The following DGAT2L6 variants were observed in gnomAD, a reference collection of about 807,000 sequenced individuals.
DGAT2L6 encodes the protein diacylglycerol O-acyltransferase 2 like 6, also known as diacylglycerol O-acyltransferase 2-like protein 6.
In DGAT2L6, 22 loss-of-function variants were observed where a neutral mutation model predicts 25.5. That is an observed-to-expected ratio of 0.86 (90% confidence interval 0.62 to 1.23). DGAT2L6 has a LOEUF of 1.23. Among genes scored for constraint, DGAT2L6 ranks in the 50% most tolerant of loss-of-function variants. The pLI is 0.00. For missense variants in DGAT2L6, 287 were observed against 253.2 expected, an observed-to-expected ratio of 1.13 and a Z score of -0.91; for synonymous variants, 100 against 94.7, an observed-to-expected ratio of 1.06 and a Z score of -0.32.
chrX:70,197,625 G>A (rs1395002410), intron 1 of DGAT2L6, among the ~76,000 whole-genome samples: 1 of 112,281 alleles, frequency 8.9e-6, no homozygotes, highest in Non-Finnish European at 1.9e-5. Context: ...GTTTTCAATT[G>A]GTCTACAGAT....
intron 1 of DGAT2L6, among the ~76,000 whole-genome samples, chrX:70,187,933 C>T (rs986360125): frequency 1.8e-5 from 2 of 112,204 alleles, no homozygotes; most frequent in Admixed American, 1.9e-4. Context: ...CACCTGCTAG[C>T]TGTCTAATCT....
Position 70,199,410 on chromosome X carries a change from T to C in DGAT2L6, c.196+29T>C, listed in dbSNP as rs771958871. The C allele has an allele frequency of 3.7e-6, 4 of 1,074,857 alleles. No homozygotes were observed. The East Asian group carries it at 9.6e-5, about 26-fold the overall frequency. 88.6% of individuals were successfully genotyped at this position (1,074,857 alleles called of 1,213,427 possible). On this transcript the variant is annotated intron_variant, in intron 2 of 6. Transcript: ENST00000333026. Reference sequence around the variant, plus strand: ...AGAGACAGGGGCACAATGGTGGTCCTGTTTGGGCCAAGAATGGAAGGACAG... The same window carrying C: ...AGAGACAGGGGCACAATGGTGGTCCCGTTTGGGCCAAGAATGGAAGGACAG...
chrX:70,189,570 T>C lies in DGAT2L6; in HGVS notation c.86-9701T>C, dbSNP rs1363528308. On this transcript the variant is annotated intron_variant, in intron 1 of 6. Coordinates refer to ENST00000333026, the MANE Select transcript of DGAT2L6 (RefSeq NM_198512.3). The stretch of plus-strand genomic sequence containing the variant: ...TCCCCAGATTGATCTATAAGTATAA[T>C]GCAATTCAAGTAAAAATCACAGTCA... 2.7e-5 allele frequency among the ~76,000 whole-genome samples: 3 copies of C among 111,993 alleles called. No individual in the cohort carries two copies. In the Admixed American group the frequency reaches 2.8e-4, roughly 11 times the overall value.
intron 1 of DGAT2L6, among the ~76,000 whole-genome samples, chrX:70,198,534 G>GTTTGT (rs760710813): frequency 9.1e-6 from 1 of 109,771 alleles, no homozygotes; most frequent in Non-Finnish European, 1.9e-5. Context: ...TGTTGTTGTT[G>GTTTGT]TTTGTTTTGT....
At chrX:70,183,522 G>A (rs1254744263) in intron 1 of DGAT2L6, among the ~76,000 whole-genome samples, 1 of 111,926 alleles carries the variant, frequency 8.9e-6, no homozygotes, top group Non-Finnish European at 1.9e-5. Context: ...TATATCTTTG[G>A]TGCCCTCTAC....
intron 5 of DGAT2L6, among the ~76,000 whole-genome samples, chrX:70,203,655 C>T (rs539613763): frequency 4.5e-5 from 5 of 110,851 alleles, no homozygotes; most frequent in African/African-American, 1.3e-4. Context: ...CTATAATACA[C>T]GGTTGGGGCA....
Position 70,205,044 on chromosome X carries a change from C to G in DGAT2L6, c.952C>G (p.Leu318Val). 8.3e-7 allele frequency: 1 copy of G among 1,204,662 alleles called. No individual in the cohort carries two copies. Among genetic ancestry groups the G allele is most frequent in the Non-Finnish European group, 1.1e-6 (1 of 893,232 alleles). The stretch of plus-strand genomic sequence containing the variant: ...ACTCTACATCAGTGCCCTGCGCAAG[C>G]TCTTTGACCAACACAAAGTTGAATA... ...HALYISALRK[L>V]FDQHKVEYGL... The change falls in exon 7 of 7, where the codon CTC (leucine) becomes GTC (valine). Residue 318 changes from leucine to valine, a missense_variant. Coordinates refer to ENST00000333026, the MANE Select transcript of DGAT2L6 (RefSeq NM_198512.3).
rs756557853 is a variant in DGAT2L6 at position 70,204,298 on chromosome X, T to C, written c.648-7T>C. Reference sequence around the variant, plus strand: ...GAGAGCTCACACTCCTGCCCCTCTCTTTGCAGGGCATACCTTGTCCCTTCA... The same window carrying C: ...GAGAGCTCACACTCCTGCCCCTCTCCTTGCAGGGCATACCTTGTCCCTTCA... On this transcript the variant is annotated splice_polypyrimidine_tract_variant and splice_region_variant and intron_variant, in intron 5 of 6. Transcript: ENST00000333026. The C allele has an allele frequency of 3.3e-5, 39 of 1,193,297 alleles. No homozygotes were observed. The Admixed American group carries it at 8.6e-4, about 26-fold the overall frequency.
At chrX:70,182,921 G>C (rs1295951634) in intron 1 of DGAT2L6, among the ~76,000 whole-genome samples, 1 of 112,066 alleles carries the variant, frequency 8.9e-6, no homozygotes, top group Non-Finnish European at 1.9e-5. Context: ...CTCCCAAAGT[G>C]CTGGGATTAC....
chrX:70,204,430 G>T lies in DGAT2L6; in HGVS notation c.773G>T (p.Gly258Val). 8.3e-7 allele frequency: 1 copy of T among 1,211,550 alleles called. No homozygotes were observed. The change falls in exon 6 of 7, where the codon GGA becomes GTA. Residue 258 changes from glycine (G) to valine (V), a missense_variant. Transcript: ENST00000333026. ...TFQDTFKKILGLNFCTFHGRG... is the reference protein window; with the variant it reads ...TFQDTFKKILVLNFCTFHGRG... ...CAGGACACATTCAAAAAAATCCTGG[G>T]ACTAAATTTCTGTACCTTCCATGGC...
chrX:70,199,442 G>C, intron 2 of DGAT2L6, 61 bp downstream of exon 2: 1 of 873,687 alleles, frequency 1.1e-6, no homozygotes, highest in Non-Finnish European at 1.6e-6. Context: ...ACAGGGAGAG[G>C]GAGGTGGAGG....
chrX:70,180,785 G>C (rs2085341033), intron 1 of DGAT2L6, among the ~76,000 whole-genome samples: 1 of 111,759 alleles, frequency 8.9e-6, no homozygotes, highest in African/African-American at 3.2e-5. Context: ...CATATAATTG[G>C]AATTATTATT....
At chrX:70,194,727 C>T (rs2085385624) in intron 1 of DGAT2L6, among the ~76,000 whole-genome samples, 1 of 111,988 alleles carries the variant, frequency 8.9e-6, no homozygotes, top group African/African-American at 3.2e-5. Flanking sequence ...ATGACATACA[C>T]AAACATTAAC....
At chrX:70,202,160 GC>G in intron 5 of DGAT2L6, 96 bp downstream of exon 5, 1 of 824,335 alleles carries the variant, frequency 1.2e-6, no homozygotes, top group South Asian at 3.8e-5. Context: ...CTGTTAGAGG[GC>G]CCCCATCTTC....
At chrX:70,194,316 T>C (rs2085384346) in intron 1 of DGAT2L6, among the ~76,000 whole-genome samples, 1 of 111,864 alleles carries the variant, frequency 8.9e-6, no homozygotes, top group Non-Finnish European at 1.9e-5. Context: ...ATGTCTATAC[T>C]ACTCAAAGTG....
intron 2 of DGAT2L6, 110 bp downstream of exon 2, chrX:70,199,491 A>G: frequency 2.4e-6 from 1 of 410,264 alleles, no homozygotes; most frequent in Admixed American, 3.8e-5. Context: ...AGGGGAAGGA[A>G]GGGGAGGGAG....
At chrX:70,196,323 A>G (rs898145171) in intron 1 of DGAT2L6, among the ~76,000 whole-genome samples, 1 of 107,494 alleles carries the variant, frequency 9.3e-6, no homozygotes, top group Non-Finnish European at 1.9e-5. Flanking sequence ...ACAAAAAAAT[A>G]CAAAATAAAT....
At chrX:70,191,472 CAAAAAAAGAA>C (rs1401248200) in intron 1 of DGAT2L6, among the ~76,000 whole-genome samples, 1 of 106,492 alleles carries the variant, frequency 9.4e-6, no homozygotes, top group Non-Finnish European at 1.9e-5. Context: ...ATTAGAGAAA[CAAAAAAAGAA>C]AAAAAATGAA....
chrX:70,180,022 G>A (rs900454184), intron 1 of DGAT2L6, among the ~76,000 whole-genome samples: 34 of 111,505 alleles, frequency 3.0e-4, no homozygotes, highest in African/African-American at 1.1e-3. Flanking sequence ...CTGGATATGT[G>A]AGGGACCAAG....
Sources: allele counts gnomAD v4.1 joint callset (sites outside exome capture counted in the v4.1 genomes callset), GRCh38; gene constraint gnomAD v4.1.1; transcripts MANE v1.5; gene names NCBI Gene and HGNC (gene_info 2026-07-23, HGNC 2026-07-21).